The following MAPK4 variants were observed in gnomAD, a reference collection of about 807,000 sequenced individuals.
MAPK4 encodes mitogen-activated protein kinase 4.
In MAPK4, 22 loss-of-function variants were observed where a neutral mutation model predicts 47.7. The observed-to-expected ratio is 0.46, with a 90% confidence interval of 0.33 to 0.66. The LOEUF (loss-of-function observed/expected upper bound fraction) is 0.66. Ranked by LOEUF, MAPK4 falls within the 30% of genes least tolerant of loss-of-function variation. MAPK4 has a pLI of 0.02. For synonymous variants in MAPK4, 390 were observed against 365.7 expected (o/e 1.07, Z -0.76); for missense variants, 736 against 831.7 (o/e 0.88, Z 1.42).
intron 1 of MAPK4, among the ~76,000 whole-genome samples, chr18:50,599,333 TCTAAG>T (rs2042513868): frequency 6.6e-6 from 1 of 152,218 alleles, no homozygotes; most frequent in Admixed American, 6.5e-5. Context: ...TTACCTCACT[TCTAAG>T]CTAAGATTTA....
intron 1 of MAPK4, among the ~76,000 whole-genome samples, chr18:50,565,994 A>G (rs77027646): frequency 0.026 from 3,947 of 152,324 alleles, 167 homozygotes; most frequent in African/African-American, 0.09. Flanking sequence ...CAGACTTCTC[A>G]TTAATTAATC....
At chr18:50,653,878 C>G (rs2043078321) in intron 1 of MAPK4, among the ~76,000 whole-genome samples, 1 of 152,162 alleles carries the variant, frequency 6.6e-6, no homozygotes, top group Admixed American at 6.5e-5. Flanking sequence ...AAAGAAAGAT[C>G]CCGTTAGCAA....
intron 1 of MAPK4, chr18:50,629,424 T>C: frequency 6.6e-6 from 1 of 152,248 alleles, no homozygotes; most frequent in Non-Finnish European, 1.5e-5. Context: ...AAGCACTTGC[T>C]ACTTGCACAG....
At chr18:50,617,547 A>C (rs2042695096) in intron 1 of MAPK4, among the ~76,000 whole-genome samples, 1 of 152,138 alleles carries the variant, frequency 6.6e-6, no homozygotes, top group African/African-American at 2.4e-5. Context: ...TGTTCCACCC[A>C]CAGGAGAGGG....
intron 1 of MAPK4, among the ~76,000 whole-genome samples, chr18:50,646,657 G>C (rs111242481): frequency 0.011 from 1,647 of 152,336 alleles, 23 homozygotes; most frequent in African/African-American, 0.038. Context: ...GACAGATAAT[G>C]ATGACCCCCC....
At chr18:50,604,752 T>C (rs1040547497) in intron 1 of MAPK4, among the ~76,000 whole-genome samples, 2 of 152,252 alleles carry the variant, frequency 1.3e-5, no homozygotes, top group South Asian at 4.1e-4. Context: ...TTTCACTGCG[T>C]TGCTGTGCTC....
chr18:50,660,089 T>G (rs907671299), intron 1 of MAPK4, among the ~76,000 whole-genome samples: 2 of 152,190 alleles, frequency 1.3e-5, no homozygotes, highest in African/African-American at 4.8e-5. Flanking sequence ...TGCCTTGTAA[T>G]CAGCCCACCT....
At chr18:50,642,153 C>A (rs549960773) in intron 1 of MAPK4, among the ~76,000 whole-genome samples, 1 of 152,234 alleles carries the variant, frequency 6.6e-6, no homozygotes, top group East Asian at 1.9e-4. Context: ...AAGCAATATC[C>A]CAATTAATGA....
intron 1 of MAPK4, among the ~76,000 whole-genome samples, chr18:50,590,668 G>C (rs2042429349): frequency 6.6e-6 from 1 of 152,216 alleles, no homozygotes; most frequent in African/African-American, 2.4e-5. Context: ...GCAAAAATTT[G>C]AGTGTGCATT....
At position 50,695,088 on chromosome 18, in the gene MAPK4, A is replaced by G. The variant is rs376813364; in HGVS notation, c.547-19991A>G. Among the ~76,000 whole-genome samples the G allele has an allele frequency of 1.6e-3, 241 of 152,184 alleles. 1 individual carries two copies. The highest frequency in any genetic ancestry group is 5.1e-3 in the African/African-American group (210 of 41,530). On this transcript the variant is annotated intron_variant, in intron 2 of 5. Coordinates refer to ENST00000400384, the MANE Select transcript of MAPK4 (RefSeq NM_002747.4). Reference sequence around the variant, plus strand: ...AGGCCAGGCACGGTGGCTCACGCCTATAATACCAGCACTTTGGGAGGCCGA... The same window carrying G: ...AGGCCAGGCACGGTGGCTCACGCCTGTAATACCAGCACTTTGGGAGGCCGA...
At chr18:50,701,056 C>G (rs1310552953) in intron 2 of MAPK4, among the ~76,000 whole-genome samples, 1 of 152,132 alleles carries the variant, frequency 6.6e-6, no homozygotes, top group South Asian at 2.1e-4. Context: ...CTCCAGCCCT[C>G]GAGATGATTT....
chr18:50,560,465 C>T (rs547375930), intron 1 of MAPK4, among the ~76,000 whole-genome samples: 1 of 152,032 alleles, frequency 6.6e-6, no homozygotes, highest in Non-Finnish European at 1.5e-5. Flanking sequence ...GGGTGAGCTC[C>T]TCGCCTGCAG....
intron 2 of MAPK4, chr18:50,705,047 T>C (rs1363593038): frequency 1.7e-5 from 6 of 343,124 alleles, no homozygotes; most frequent in Non-Finnish European, 3.1e-5. Flanking sequence ...GGGTCCGGCT[T>C]CCACACGGTA....
At position 50,715,175 on chromosome 18, in the gene MAPK4, G is replaced by A. The variant is rs773858770; in HGVS notation, c.643G>A (p.Ala215Thr). 1.4e-5 allele frequency: 22 copies of A among 1,614,030 alleles called. No homozygotes were observed. The highest frequency in any genetic ancestry group is 5.3e-5 in the African/African-American group (4 of 74,938). ...NYTKAIDMWA[A>T]GCILAEMLTG... ...CACCAAAGCCATCGACATGTGGGCC[G>A]CCGGCTGCATCCTGGCTGAGATGCT... The change falls in exon 3 of 6, where the codon GCC becomes ACC. Residue 215 changes from alanine to threonine, a missense_variant. Ala to Thr is a moderately conservative substitution (Grantham distance 58). This residue lies in a region of MAPK4 where 327 missense variants were observed against 395.4 expected (regional missense o/e 0.83). Transcript: ENST00000400384.
chr18:50,606,922 C>G (rs2042587445), intron 1 of MAPK4, among the ~76,000 whole-genome samples: 1 of 152,128 alleles, frequency 6.6e-6, no homozygotes, highest in African/African-American at 2.4e-5. Context: ...AAGTTCAAAG[C>G]CTGTGTCAGG....
chr18:50,668,947 C>T (rs1182651691), intron 2 of MAPK4, among the ~76,000 whole-genome samples: 1 of 152,196 alleles, frequency 6.6e-6, no homozygotes, highest in African/African-American at 2.4e-5. Context: ...CATAGGATTC[C>T]TGTTAGAGTC....
At chr18:50,655,573 A>G (rs1436670833) in intron 1 of MAPK4, among the ~76,000 whole-genome samples, 1 of 152,116 alleles carries the variant, frequency 6.6e-6, no homozygotes, top group African/African-American at 2.4e-5. Context: ...TGGAGGGAGC[A>G]GCGCTTAATT....
Position 50,635,640 on chromosome 18 carries a change from T to C in MAPK4, c.-870-27449T>C, listed in dbSNP as rs138979757. ...TCTGTTGTTAGGAGACCAAACTCCT[T>C]AATGTGATCTGCAAGACTCCGTGGT... On this transcript the variant is annotated intron_variant, in intron 1 of 5. Transcript: ENST00000400384. Among the ~76,000 whole-genome samples, 21 of 152,332 alleles carry C rather than the reference T, an allele frequency of 1.4e-4. No individual in the cohort carries two copies. In the East Asian group the frequency reaches 2.9e-3, roughly 21 times the overall value.
rs868051936 is a variant in MAPK4, at chr18:50,601,820, T to C, written c.-871+41577T>C. Among the ~76,000 whole-genome samples, 6 of 152,358 alleles carry C rather than the reference T, an allele frequency of 3.9e-5. No individual in the cohort carries two copies. The South Asian group carries it at 8.3e-4, about 21-fold the overall frequency. ...TTGCTGTGGGTCACTGGGCACATTC[T>C]GTACTCTTAGTCTTCTTCCTTTGTC... On this transcript the variant is annotated intron_variant, in intron 1 of 5. Transcript: ENST00000400384.
Sources: allele counts gnomAD v4.1 joint callset (sites outside exome capture counted in the v4.1 genomes callset), GRCh38; gene constraint gnomAD v4.1.1; regional missense constraint gnomAD v4.1.1; transcripts MANE v1.5; gene names NCBI Gene and HGNC (gene_info 2026-07-23, HGNC 2026-07-21).